Variants in NAALADL2 observed in about 807,000 individuals in gnomAD.
NAALADL2 encodes the protein N-acetylated alpha-linked acidic dipeptidase like 2, also known as inactive N-acetylated-alpha-linked acidic dipeptidase-like protein 2.
Under a neutral mutation model 87.2 loss-of-function variants are expected in NAALADL2, and 76 were observed. That is an observed-to-expected ratio of 0.87 (90% CI 0.72 to 1.05). The LOEUF is 1.05. NAALADL2 is among the 50% of genes least tolerant of loss of function. NAALADL2 has a pLI of 0.00. For synonymous variants in NAALADL2, 354 were observed against 331.0 expected, an observed-to-expected ratio of 1.07 and a Z score of -0.75; for missense variants, 1,089 against 945.8, an observed-to-expected ratio of 1.15 and a Z score of -1.99.
intron 10 of NAALADL2, among the ~76,000 whole-genome samples, chr3:175,602,452 G>A (rs574771469): frequency 4.2e-5 from 4 of 94,370 alleles, no homozygotes; most frequent in Admixed American, 2.5e-4. Flanking sequence ...ATTTGTATGT[G>A]TGTATCTATA....
At position 174,752,693 on chromosome 3, in the gene NAALADL2, CT is replaced by C. The variant is rs1441016315; in HGVS notation, c.-9+14949del. Among the ~76,000 whole-genome samples the C allele has an allele frequency of 2.0e-5, 3 of 151,854 alleles. No individual in the cohort carries two copies. In the East Asian group the frequency reaches 5.8e-4, roughly 29 times the overall value. On this transcript the variant is annotated intron_variant, in intron 3 of 3. Coordinates refer to the NAALADL2 transcript ENST00000434257. ...GTGTAATATCCCATTCCTTTTCTCTCTTGAAGTTAGCTGTGTAATTTATTTT... is the reference window on the plus strand; with the variant it reads ...GTGTAATATCCCATTCCTTTTCTCTCTGAAGTTAGCTGTGTAATTTATTTT...
At chr3:175,320,880 GATTCACAGCCGA>G (rs61006819) in intron 4 of NAALADL2, among the ~76,000 whole-genome samples, 6,256 of 149,226 alleles carry the variant, frequency 0.042, 412 homozygotes, top group African/African-American at 0.15. Context: ...GGACCAGATG[GATTCACAGCCGA>G]ATTCTACCAG....
chr3:174,816,888 C>G (rs934806753), intron 3 of NAALADL2, among the ~76,000 whole-genome samples: 1 of 152,100 alleles, frequency 6.6e-6, no homozygotes, highest in Non-Finnish European at 1.5e-5. Context: ...GTGCCTGAGC[C>G]ACAGGCCTTG....
At chr3:174,591,195 A>G (rs1439893758) in intron 2 of NAALADL2, among the ~76,000 whole-genome samples, 2 of 152,230 alleles carry the variant, frequency 1.3e-5, no homozygotes, top group Middle Eastern at 3.2e-3. Flanking sequence ...AAGCCTTCCA[A>G]TGGTCTTCTG....
chr3:175,354,417 C>A (rs993287045), intron 5 of NAALADL2, among the ~76,000 whole-genome samples: 2 of 152,102 alleles, frequency 1.3e-5, no homozygotes, highest in African/African-American at 2.4e-5. Context: ...TTAATAAAAT[C>A]TTAATACTAT....
intron 2 of NAALADL2, among the ~76,000 whole-genome samples, chr3:174,664,345 T>G (rs999888029): frequency 6.6e-6 from 1 of 152,214 alleles, no homozygotes; most frequent in Admixed American, 6.5e-5. Context: ...GCATGAAGGA[T>G]AGACAGATTG....
At chr3:175,447,538 A>T (rs530185702) in intron 6 of NAALADL2, among the ~76,000 whole-genome samples, 166 bp downstream of exon 6, 1 of 152,356 alleles carries the variant, frequency 6.6e-6, no homozygotes, top group South Asian at 2.1e-4. Context: ...ATGTTTGGAA[A>T]GTAATTTTGA....
chr3:174,875,192 A>T (rs1008972707), intron 1 of NAALADL2, among the ~76,000 whole-genome samples: 13 of 151,892 alleles, frequency 8.6e-5, no homozygotes, highest in South Asian at 6.2e-4. Context: ...CAATTTAACG[A>T]ACACATTTAG....
At chr3:174,848,058 CA>C (rs1488781610) in intron 3 of NAALADL2, among the ~76,000 whole-genome samples, 1 of 149,848 alleles carries the variant, frequency 6.7e-6, no homozygotes, top group African/African-American at 2.5e-5. Context: ...ACATGATATC[CA>C]TGGTTAAAAT....
chr3:174,769,003 G>C (rs1026266781), intron 3 of NAALADL2, among the ~76,000 whole-genome samples: 1 of 151,418 alleles, frequency 6.6e-6, no homozygotes, highest in Non-Finnish European at 1.5e-5. Context: ...AAAATTTCAG[G>C]TTGAATGGTT....
intron 1 of NAALADL2, among the ~76,000 whole-genome samples, chr3:174,979,869 A>G (rs1744887168): frequency 6.6e-6 from 1 of 152,150 alleles, no homozygotes; most frequent in South Asian, 2.1e-4. Context: ...ATTTTCAACC[A>G]TATCGATCAC....
At chr3:175,111,798 T>C (rs781333198) in intron 2 of NAALADL2, among the ~76,000 whole-genome samples, 3 of 151,606 alleles carry the variant, frequency 2.0e-5, no homozygotes, top group Non-Finnish European at 4.4e-5. Context: ...TCATATTCCC[T>C]GTAGTGCCAG....
chr3:175,567,514 T>C (rs1316063666), intron 9 of NAALADL2, among the ~76,000 whole-genome samples: 1 of 152,080 alleles, frequency 6.6e-6, no homozygotes, highest in Non-Finnish European at 1.5e-5. Flanking sequence ...TCGTATAAAT[T>C]AACAGAAGAA....
At chr3:175,018,832 T>A (rs563108776) in intron 1 of NAALADL2, among the ~76,000 whole-genome samples, 1 of 152,186 alleles carries the variant, frequency 6.6e-6, no homozygotes, top group African/African-American at 2.4e-5. Flanking sequence ...CGGTGTTTTC[T>A]ATCTATTGGT....
chr3:175,006,556 G>C (rs1343503196), intron 1 of NAALADL2, among the ~76,000 whole-genome samples: 1 of 151,798 alleles, frequency 6.6e-6, no homozygotes, highest in African/African-American at 2.4e-5. Flanking sequence ...TGCAGTTATA[G>C]CTGGTGCAAG....
chr3:174,991,485 A>G (rs9835491), intron 1 of NAALADL2, among the ~76,000 whole-genome samples: 2,418 of 152,152 alleles, frequency 0.016, 36 homozygotes, highest in African/African-American at 0.041. Flanking sequence ...TTTATTTGAT[A>G]TATGTTTTAT....
chr3:175,235,629 T>C (rs1745699575), intron 3 of NAALADL2: 1 of 152,222 alleles, frequency 6.6e-6, no homozygotes, highest in Admixed American at 6.5e-5. Context: ...CTTTACTCTG[T>C]CTAAGCCATA....
chr3:175,689,112 G>A lies in NAALADL2; in HGVS notation c.1897-48194G>A, dbSNP rs368370328. Among the ~76,000 whole-genome samples, 228 of 152,074 alleles carry A rather than the reference G, an allele frequency of 1.5e-3. 1 individual carries two copies. The highest frequency in any genetic ancestry group is 5.2e-3 in the African/African-American group (215 of 41,446). On this transcript the variant is annotated intron_variant, in intron 11 of 13. Transcript: ENST00000454872. ...ATATCTGACAAAGGTTTTAATATAA[G>A]TATATGTCAGGTAATTAAAGAAAAG...
intron 2 of NAALADL2, among the ~76,000 whole-genome samples, chr3:174,565,375 C>T (rs189668443): frequency 5.7e-4 from 87 of 151,952 alleles, no homozygotes; most frequent in African/African-American, 1.5e-3. Context: ...ATTTTTTTAC[C>T]GTCCATAGTT....
Sources: gnomAD v4.1 joint callset for allele counts (sites outside exome capture counted in the v4.1 genomes callset) on GRCh38, gnomAD v4.1.1 for gene constraint, MANE v1.5 for transcripts, NCBI Gene and HGNC (gene_info 2026-07-23, HGNC 2026-07-21) for gene names.